The following HADHB variants were observed in gnomAD, a reference collection of about 807,000 sequenced individuals.
HADHB encodes hydroxyacyl-CoA dehydrogenase trifunctional multienzyme complex subunit beta.
HADHB carries 50 observed loss-of-function variants against 61.9 expected under a neutral mutation model. That is an observed-to-expected ratio of 0.81 (90% CI 0.64 to 1.02). The LOEUF is 1.02. HADHB is among the 50% of genes least tolerant of loss of function. HADHB has a pLI of 0.00. For missense variants in HADHB, 504 were observed against 586.5 expected (o/e 0.86, Z 1.45); for synonymous variants, 191 against 201.6 (o/e 0.95, Z 0.45).
chr2:26,273,135 C>G (rs1672412416), intron 5 of HADHB, among the ~76,000 whole-genome samples: 1 of 151,710 alleles, frequency 6.6e-6, no homozygotes, highest in African/African-American at 2.4e-5. Flanking sequence ...GTGCTCATTC[C>G]TACTGGAGTG....
intron 7 of HADHB, among the ~76,000 whole-genome samples, chr2:26,277,972 T>G (rs1355338826): frequency 6.6e-6 from 1 of 152,204 alleles, no homozygotes; most frequent in Admixed American, 6.5e-5. Context: ...ACTAACAAAC[T>G]TTAGCAAAAC....
intron 3 of HADHB, chr2:26,254,775 C>T: frequency 2.8e-6 from 1 of 358,856 alleles, no homozygotes; most frequent in Non-Finnish European, 5.2e-6. Context: ...TGCTGTCCGT[C>T]CTGGAGGTGA....
chr2:26,245,371 G>T (rs1171711356), intron 1 of HADHB: 2 of 152,794 alleles, frequency 1.3e-5, no homozygotes, highest in African/African-American at 2.4e-5. Context: ...CCTGTACCCA[G>T]GTCGGCGGCT....
intron 4 of HADHB, among the ~76,000 whole-genome samples, chr2:26,269,228 G>T (rs951832066): frequency 1.3e-5 from 2 of 151,924 alleles, no homozygotes; most frequent in African/African-American, 2.4e-5. Context: ...TTTACACAGG[G>T]TCTTGCTCTG....
Position 26,249,286 on chromosome 2 carries a change from C to T in HADHB, c.-9+4296C>T, listed in dbSNP as rs142721114. 4.1e-3 allele frequency among the ~76,000 whole-genome samples: 630 copies of T among 152,042 alleles called. 6 individuals are homozygous for T. The highest frequency in any genetic ancestry group is 0.024 in the Middle Eastern group (7 of 294). On this transcript the variant is annotated intron_variant, in intron 1 of 15. Coordinates refer to ENST00000317799, the MANE Select transcript of HADHB (RefSeq NM_000183.3). ...TGGTGGCTCACGCCTGTAATCCTAG[C>T]ACTTTGGGAGGCTCAGGAGTTCGAG...
intron 10 of HADHB, among the ~76,000 whole-genome samples, chr2:26,281,024 A>G (rs2147827744): frequency 6.6e-6 from 1 of 152,248 alleles, no homozygotes; most frequent in South Asian, 2.1e-4. Flanking sequence ...AAAGAGTAAC[A>G]GGATACCTCT....
chr2:26,282,985 T>G lies in HADHB; in HGVS notation c.1014-19T>G. Reference sequence around the variant, plus strand: ...CTTTATTTTATTACCAAAGCTCACCTCTCTATTTTTTTACCTAGGGATTTT... The same window carrying G: ...CTTTATTTTATTACCAAAGCTCACCGCTCTATTTTTTTACCTAGGGATTTT... On this transcript the variant is annotated intron_variant, in intron 11 of 15. Coordinates refer to ENST00000317799, the MANE Select transcript of HADHB (RefSeq NM_000183.3). 1 of 1,605,598 alleles carries G rather than the reference T, an allele frequency of 6.2e-7. No homozygotes were observed. The highest frequency in any genetic ancestry group is 2.2e-5 in the East Asian group (1 of 44,834).
At chr2:26,270,092 A>G in intron 5 of HADHB, 95 bp downstream of exon 5, 3 of 849,174 alleles carry the variant, frequency 3.5e-6, no homozygotes, top group Non-Finnish European at 6.2e-6. Flanking sequence ...TATTTTAGCC[A>G]TCTGTACTAT....
intron 5 of HADHB, among the ~76,000 whole-genome samples, chr2:26,271,003 C>T (rs1252886235): frequency 1.1e-4 from 16 of 151,248 alleles, no homozygotes; most frequent in Admixed American, 5.3e-4. Context: ...CTCAGCCTCC[C>T]GAGTACCTGG....
chr2:26,276,878 A>G (rs1672549439), intron 6 of HADHB, among the ~76,000 whole-genome samples, 195 bp from the exon 7 acceptor site: 1 of 152,232 alleles, frequency 6.6e-6, no homozygotes, highest in Non-Finnish European at 1.5e-5. Flanking sequence ...AATTTTGCAT[A>G]TACCTGTCAA....
chr2:26,252,167 C>G (rs188422457), intron 1 of HADHB, among the ~76,000 whole-genome samples: 71 of 152,340 alleles, frequency 4.7e-4, no homozygotes, highest in Admixed American at 2.0e-4. Context: ...GAGACCACGA[C>G]AGATGCTGCA....
At chr2:26,266,575 A>G (rs1672086009) in intron 4 of HADHB, among the ~76,000 whole-genome samples, 1 of 151,936 alleles carries the variant, frequency 6.6e-6, no homozygotes, top group Non-Finnish European at 1.5e-5. Context: ...GAGTATGAGA[A>G]TAAAGATTGT....
At chr2:26,273,452 GT>G (rs1169291229) in intron 5 of HADHB, among the ~76,000 whole-genome samples, 198 bp from the exon 6 acceptor site, 75 of 152,092 alleles carry the variant, frequency 4.9e-4, no homozygotes, top group African/African-American at 1.7e-3. Flanking sequence ...AGCATCAAAT[GT>G]TGACTTTTAA....
intron 10 of HADHB, among the ~76,000 whole-genome samples, chr2:26,281,777 C>A (rs1372140143): frequency 6.6e-6 from 1 of 151,926 alleles, no homozygotes; most frequent in Non-Finnish European, 1.5e-5. Flanking sequence ...TTATGGACAC[C>A]CTATTGGTGG....
intron 4 of HADHB, among the ~76,000 whole-genome samples, chr2:26,266,688 T>A (rs1202931107): frequency 6.6e-6 from 1 of 151,620 alleles, no homozygotes; most frequent in Non-Finnish European, 1.5e-5. Flanking sequence ...GAGACCAGCC[T>A]GGCCAACATG....
intron 10 of HADHB, among the ~76,000 whole-genome samples, chr2:26,281,348 G>A (rs919709180): frequency 6.6e-6 from 1 of 152,116 alleles, no homozygotes; most frequent in African/African-American, 2.4e-5. Context: ...ATACGCAGAT[G>A]TTTGACATAT....
intron 1 of HADHB, among the ~76,000 whole-genome samples, chr2:26,248,776 G>T (rs746479840): frequency 2.6e-5 from 4 of 152,116 alleles, no homozygotes; most frequent in Non-Finnish European, 5.9e-5. Flanking sequence ...CAACAAAAAG[G>T]CTGGGCGCAG....
At chr2:26,285,597 C>G in intron 15 of HADHB, 26 bp downstream of exon 15, 1 of 1,590,740 alleles carries the variant, frequency 6.3e-7, no homozygotes, top group Non-Finnish European at 8.6e-7. Context: ...GTCATAGGAC[C>G]CTCCAGAGAG....
chr2:26,258,824 G>A (rs1339432394), intron 3 of HADHB, among the ~76,000 whole-genome samples: 2 of 151,922 alleles, frequency 1.3e-5, no homozygotes, highest in Non-Finnish European at 1.5e-5. Context: ...GATGATTTGA[G>A]TATTTCTTTA....
Sources: allele counts gnomAD v4.1 joint callset (sites outside exome capture counted in the v4.1 genomes callset), GRCh38; gene constraint gnomAD v4.1.1; transcripts MANE v1.5; gene names NCBI Gene and HGNC (gene_info 2026-07-23, HGNC 2026-07-21).